PPM1L: variants seen among roughly 807,000 people sequenced by gnomAD.
The protein encoded by PPM1L is protein phosphatase 1L.
Under a neutral mutation model 31.4 loss-of-function variants are expected in PPM1L, and 13 were observed. The ratio of observed to expected loss-of-function variants is 0.41; its 90% CI spans 0.27 to 0.66. The LOEUF is 0.66. PPM1L is among the 30% of genes least tolerant of loss of function. PPM1L has a pLI of 0.29. For missense variants in PPM1L, 326 were observed against 453.7 expected, an observed-to-expected ratio of 0.72 and a Z score of 2.56; for synonymous variants, 184 against 175.4, an observed-to-expected ratio of 1.05 and a Z score of -0.39.
At chr3:161,046,151 C>A (rs935728672) in intron 2 of PPM1L, among the ~76,000 whole-genome samples, 1 of 137,520 alleles carries the variant, frequency 7.3e-6, no homozygotes, top group South Asian at 2.4e-4. Flanking sequence ...AATACAGGAG[C>A]TGGTTTTTTG....
intron 1 of PPM1L, among the ~76,000 whole-genome samples, chr3:160,818,591 C>T (rs192648438): frequency 6.6e-6 from 1 of 151,990 alleles, no homozygotes; most frequent in Non-Finnish European, 1.5e-5. Context: ...AGCAGTTGTG[C>T]TATTAAAAAT....
At position 160,910,308 on chromosome 3, in the gene PPM1L, TTCCCC is replaced by T. The variant is rs1259427516; in HGVS notation, c.400-51411_400-51407del. On this transcript the variant is annotated intron_variant, in intron 1 of 3. Transcript: ENST00000498165. ...TTTCCCCTTCCCCGTTCCCTTCCCC[TTCCCC>T]TCCCCTCCCCTCCCCTTTTTGACAG... 3.5e-5 allele frequency among the ~76,000 whole-genome samples: 4 copies of T among 113,356 alleles called. 1 individual carries two copies. Among genetic ancestry groups the T allele is most frequent in the East Asian group, 6.4e-4 (2 of 3,102 alleles). 74.4% of individuals were successfully genotyped at this position (113,356 alleles called of 152,430 possible).
intron 1 of PPM1L, among the ~76,000 whole-genome samples, chr3:160,870,338 G>T (rs1712258417): frequency 1.3e-5 from 2 of 152,188 alleles, no homozygotes; most frequent in Non-Finnish European, 2.9e-5. Context: ...ATTAGAATAT[G>T]ATAGAAGATT....
At chr3:160,958,618 A>G (rs1440246101) in intron 1 of PPM1L, among the ~76,000 whole-genome samples, 8 of 152,254 alleles carry the variant, frequency 5.3e-5, no homozygotes, top group African/African-American at 1.9e-4. Flanking sequence ...TATGTTGCAC[A>G]AATGTGCTGA....
At chr3:160,825,665 T>C (rs1322018854) in intron 1 of PPM1L, among the ~76,000 whole-genome samples, 2 of 152,158 alleles carry the variant, frequency 1.3e-5, no homozygotes, top group African/African-American at 4.8e-5. Context: ...ATTAAATCAA[T>C]AGAATATGAC....
Position 161,005,069 on chromosome 3 carries a change from T to A in PPM1L, c.574+43159T>A, listed in dbSNP as rs577068251. Among the ~76,000 whole-genome samples the A allele has an allele frequency of 2.0e-5, 3 of 152,330 alleles. No homozygotes were observed. The South Asian group carries it at 6.2e-4, about 32-fold the overall frequency. On this transcript the variant is annotated intron_variant, in intron 2 of 3. Coordinates refer to ENST00000498165, the MANE Select transcript of PPM1L (RefSeq NM_139245.4). ...TTGTTCTCATTGATTTCAAAGAACATCTTTATTTCTGCCTTCATTTTGTTA... is the reference window on the plus strand; with the variant it reads ...TTGTTCTCATTGATTTCAAAGAACAACTTTATTTCTGCCTTCATTTTGTTA...
intron 1 of PPM1L, among the ~76,000 whole-genome samples, chr3:160,834,512 T>TGG (rs1553810619): frequency 1.4e-5 from 2 of 146,204 alleles, no homozygotes; most frequent in African/African-American, 2.5e-5. Context: ...TGTGTGTGTG[T>TGG]GGTTGTGTGT....
chr3:160,828,400 A>G (rs1353028334), intron 1 of PPM1L, among the ~76,000 whole-genome samples: 1 of 152,166 alleles, frequency 6.6e-6, no homozygotes, highest in Non-Finnish European at 1.5e-5. Context: ...GAATTCATAC[A>G]CTGAGTAGGC....
intron 1 of PPM1L, among the ~76,000 whole-genome samples, chr3:160,920,694 CG>C (rs1714375801): frequency 1.3e-5 from 2 of 151,068 alleles, no homozygotes; most frequent in Non-Finnish European, 2.9e-5. Flanking sequence ...GTATTTGTTT[CG>C]GACAATCCCT....
intron 1 of PPM1L, among the ~76,000 whole-genome samples, chr3:160,802,793 G>A (rs1259359344): frequency 1.3e-5 from 2 of 152,274 alleles, no homozygotes; most frequent in South Asian, 4.2e-4. Context: ...AACTCCTGGG[G>A]CAGAGTACTT....
intron 2 of PPM1L, among the ~76,000 whole-genome samples, chr3:160,983,277 C>A (rs955944434): frequency 6.6e-5 from 10 of 152,264 alleles, no homozygotes; most frequent in African/African-American, 1.7e-4. Flanking sequence ...TTAAATTTTT[C>A]TTTTTGCTGT....
At chr3:160,818,311 G>A (rs986873997) in intron 1 of PPM1L, among the ~76,000 whole-genome samples, 10 of 152,090 alleles carry the variant, frequency 6.6e-5, no homozygotes, top group African/African-American at 1.7e-4. Flanking sequence ...GAATAGTGTC[G>A]GACATGGTTT....
intron 2 of PPM1L, among the ~76,000 whole-genome samples, chr3:161,049,634 G>T (rs1719206953): frequency 6.6e-6 from 1 of 152,178 alleles, no homozygotes; most frequent in Non-Finnish European, 1.5e-5. Flanking sequence ...TGGGATAGGG[G>T]ATGGTAATAA....
intron 2 of PPM1L, among the ~76,000 whole-genome samples, chr3:161,063,679 A>G (rs1719641628): frequency 6.6e-6 from 1 of 152,226 alleles, no homozygotes; most frequent in South Asian, 2.1e-4. Flanking sequence ...GTATATACCC[A>G]AAGGATTATA....
chr3:160,867,740 A>G (rs75374602), intron 1 of PPM1L, among the ~76,000 whole-genome samples: 13,481 of 152,248 alleles, frequency 0.089, 1,086 homozygotes, highest in African/African-American at 0.21. Flanking sequence ...GAAATGCAGC[A>G]GACACAGTGC....
intron 3 of PPM1L, among the ~76,000 whole-genome samples, chr3:161,068,081 A>T (rs1177650063): frequency 1.3e-5 from 2 of 152,058 alleles, no homozygotes; most frequent in Non-Finnish European, 2.9e-5. Context: ...AAATATGTGG[A>T]TGAAGAAAAA....
At chr3:160,919,566 GT>G (rs1164362448) in intron 1 of PPM1L, among the ~76,000 whole-genome samples, 1 of 152,070 alleles carries the variant, frequency 6.6e-6, no homozygotes, top group African/African-American at 2.4e-5. Context: ...TGCATTACTT[GT>G]TATGTATACA....
At chr3:161,033,545 A>G (rs1718644512) in intron 2 of PPM1L, among the ~76,000 whole-genome samples, 1 of 152,236 alleles carries the variant, frequency 6.6e-6, no homozygotes, top group Non-Finnish European at 1.5e-5. Context: ...TGACACATCT[A>G]CAACTATCTG....
intron 2 of PPM1L, among the ~76,000 whole-genome samples, chr3:161,052,782 G>A (rs1448709076): frequency 2.0e-5 from 3 of 152,182 alleles, no homozygotes; most frequent in Non-Finnish European, 4.4e-5. Flanking sequence ...AGGGAAGAGT[G>A]TTGATTCTAC....
Sources: allele counts gnomAD v4.1 joint callset (sites outside exome capture counted in the v4.1 genomes callset), GRCh38; gene constraint gnomAD v4.1.1; transcripts MANE v1.5; gene names NCBI Gene and HGNC (gene_info 2026-07-23, HGNC 2026-07-21).